The following OSTF1 variants were observed in gnomAD, a reference collection of about 807,000 sequenced individuals.
The protein encoded by OSTF1 is osteoclast-stimulating factor 1.
OSTF1 carries 27 observed loss-of-function variants against 37.2 expected under a neutral mutation model. That is an observed-to-expected ratio of 0.73 (90% CI 0.54 to 1.00). The LOEUF (loss-of-function observed/expected upper bound fraction) is 1.00. OSTF1 is among the 50% of genes least tolerant of loss of function. The pLI is 0.00. For synonymous variants in OSTF1, 82 were observed against 89.2 expected (o/e 0.92, Z 0.46); for missense variants, 232 against 253.8 (o/e 0.91, Z 0.58).
At chr9:75,118,669 A>G (rs1037206140) in intron 2 of OSTF1, among the ~76,000 whole-genome samples, 2 of 152,204 alleles carry the variant, frequency 1.3e-5, no homozygotes, top group African/African-American at 4.8e-5. Flanking sequence ...TCGGACTCAC[A>G]GTCATGGCGG....
intron 2 of OSTF1, among the ~76,000 whole-genome samples, chr9:75,117,862 A>G (rs575731154): frequency 9.8e-5 from 15 of 152,306 alleles, no homozygotes; most frequent in African/African-American, 3.1e-4. Context: ...ATTTCATACT[A>G]ACCTTCCTTC....
intron 1 of OSTF1, among the ~76,000 whole-genome samples, chr9:75,094,688 C>T (rs1255919790): frequency 6.6e-6 from 1 of 152,038 alleles, no homozygotes; most frequent in African/African-American, 2.4e-5. Flanking sequence ...TACAGGGACA[C>T]CTTTCAGTGG....
chr9:75,120,597 C>G (rs1317724192), intron 2 of OSTF1, among the ~76,000 whole-genome samples: 1 of 152,124 alleles, frequency 6.6e-6, no homozygotes, highest in Non-Finnish European at 1.5e-5. Context: ...TCTCACCGAC[C>G]TCTTCCTTCC....
In OSTF1 at chr9:75,127,772, A is replaced by T. The variant is rs552294722; in HGVS notation, c.132+153A>T. ...TTGATAGTAGCATAAGATTGAAAAT[A>T]GCCCTTATTTCCATCAATAGGGAAA... is the stretch of plus-strand genomic sequence containing the variant. On this transcript the variant is annotated intron_variant, in intron 3 of 9. Transcript: ENST00000346234. Among the ~76,000 whole-genome samples, 34 of 152,244 alleles carry T rather than the reference A, an allele frequency of 2.2e-4. No homozygotes were observed. In the Middle Eastern group the frequency reaches 0.01, roughly 46 times the overall value.
intron 5 of OSTF1, among the ~76,000 whole-genome samples, chr9:75,132,811 G>A (rs1825781229): frequency 1.3e-5 from 2 of 152,148 alleles, no homozygotes; most frequent in Non-Finnish European, 2.9e-5. Context: ...GCATATAAGA[G>A]CAGCAGCTTT....
At chr9:75,139,875 C>T (rs1316454207) in intron 8 of OSTF1, among the ~76,000 whole-genome samples, 2 of 152,162 alleles carry the variant, frequency 1.3e-5, no homozygotes, top group African/African-American at 4.8e-5. Context: ...CCTGACTTTC[C>T]AATACCATTT....
intron 1 of OSTF1, among the ~76,000 whole-genome samples, chr9:75,093,751 C>A (rs941682244): frequency 2.0e-5 from 3 of 152,118 alleles, no homozygotes; most frequent in African/African-American, 4.8e-5. Context: ...TTTACCCCAA[C>A]AAAGGAATTA....
At chr9:75,105,639 C>CT (rs34935034) in intron 1 of OSTF1, among the ~76,000 whole-genome samples, 8,302 of 149,612 alleles carry the variant, frequency 0.055, 398 homozygotes, top group African/African-American at 0.13. Flanking sequence ...ATCAGGGTAA[C>CT]TTTTTTTTTT....
At chr9:75,109,180 T>C (rs1005342328) in intron 1 of OSTF1, among the ~76,000 whole-genome samples, 2 of 151,818 alleles carry the variant, frequency 1.3e-5, no homozygotes, top group Non-Finnish European at 2.9e-5. Flanking sequence ...GCCCGGCTAG[T>C]TTTTGTATTT....
chr9:75,106,953 G>A (rs187349895), intron 1 of OSTF1, among the ~76,000 whole-genome samples: 112 of 143,258 alleles, frequency 7.8e-4, no homozygotes, highest in African/African-American at 2.8e-3. Flanking sequence ...ACTCTGTCTC[G>A]GAAAAAAAAA....
At chr9:75,146,407 T>C (rs941148043) in intron 9 of OSTF1, among the ~76,000 whole-genome samples, 1 of 152,232 alleles carries the variant, frequency 6.6e-6, no homozygotes, top group African/African-American at 2.4e-5. Context: ...ATGTTGGTCA[T>C]GGTGCCTGTG....
intron 1 of OSTF1, among the ~76,000 whole-genome samples, chr9:75,112,874 T>C (rs1430135676): frequency 1.3e-5 from 2 of 152,236 alleles, no homozygotes; most frequent in African/African-American, 4.8e-5. Context: ...ACTGCTTCCT[T>C]GTATAACTTC....
At chr9:75,119,310 G>T (rs1367977424) in intron 2 of OSTF1, among the ~76,000 whole-genome samples, 1 of 152,200 alleles carries the variant, frequency 6.6e-6, no homozygotes, top group Admixed American at 6.5e-5. Context: ...TAACATGGGG[G>T]TGTGCATATT....
chr9:75,112,261 TCA>T (rs1184016142), intron 1 of OSTF1, among the ~76,000 whole-genome samples: 1 of 152,114 alleles, frequency 6.6e-6, no homozygotes, highest in African/African-American at 2.4e-5. Flanking sequence ...TGTAAAATGA[TCA>T]ATTAATTCAG....
chr9:75,111,811 CTTTTTTTTTTTTTTTTTTTTT>C (rs535464490), intron 1 of OSTF1, among the ~76,000 whole-genome samples: 5 of 52,114 alleles, frequency 9.6e-5, no homozygotes, highest in African/African-American at 4.0e-4. Context: ...ATGTTTACTG[CTTTTTTTTTTTTTTTTTTTTT>C]TTTTTTTTTG....
intron 2 of OSTF1, among the ~76,000 whole-genome samples, chr9:75,119,060 A>G (rs1057468239): frequency 1.3e-5 from 2 of 152,264 alleles, no homozygotes; most frequent in Admixed American, 6.5e-5. Context: ...GCAACTCAGA[A>G]GGTCACACAG....
At chr9:75,094,664 TA>T (rs144781024) in intron 1 of OSTF1, among the ~76,000 whole-genome samples, 35,362 of 149,420 alleles carry the variant, frequency 0.24, 4,334 homozygotes, top group Admixed American at 0.29. Flanking sequence ...AAGACTACAT[TA>T]AAAAAAAAAT....
chr9:75,108,666 A>T (rs891609593), intron 1 of OSTF1, among the ~76,000 whole-genome samples: 1 of 152,162 alleles, frequency 6.6e-6, no homozygotes. Flanking sequence ...ACTTTCAGTG[A>T]CATTATATCA....
intron 1 of OSTF1, among the ~76,000 whole-genome samples, chr9:75,105,984 G>C (rs4744736): frequency 0.3 from 44,916 of 152,120 alleles, 7,032 homozygotes; most frequent in African/African-American, 0.4. Flanking sequence ...TAAACAGAAC[G>C]CTCTTGTCAG....
Sources: allele counts gnomAD v4.1 joint callset (sites outside exome capture counted in the v4.1 genomes callset), GRCh38; gene constraint gnomAD v4.1.1; transcripts MANE v1.5; gene names NCBI Gene and HGNC (gene_info 2026-07-23, HGNC 2026-07-21).